Variants in COL14A1 observed in about 807,000 individuals in gnomAD.
COL14A1 encodes collagen type XIV alpha 1 chain.
A neutral mutation model predicts 230.3 loss-of-function variants in COL14A1; 136 were observed. That is an observed-to-expected ratio of 0.59 (90% CI 0.51 to 0.68). The LOEUF (loss-of-function observed/expected upper bound fraction) is 0.68. Among genes scored for constraint, COL14A1 ranks in the 30% least tolerant of loss-of-function variants. The pLI is 0.00. For synonymous variants in COL14A1, 792 were observed against 784.1 expected (o/e 1.01, Z -0.17); for missense variants, 1,976 against 2,215.8 (o/e 0.89, Z 2.17).
chr8:120,347,725 G>A (rs1012536500), intron 45 of COL14A1, among the ~76,000 whole-genome samples: 2 of 152,158 alleles, frequency 1.3e-5, no homozygotes, highest in African/African-American at 4.8e-5. Context: ...GGCCAAAAAG[G>A]CTCAAAGTCA....
chr8:120,357,635 G>A (rs1245114060), intron 45 of COL14A1, among the ~76,000 whole-genome samples: 1 of 152,074 alleles, frequency 6.6e-6, no homozygotes, highest in African/African-American at 2.4e-5. Context: ...ATTAAAACAA[G>A]TCCTTCTGGC....
At chr8:120,226,824 T>A in intron 16 of COL14A1, 58 bp downstream of exon 16, 1 of 1,504,780 alleles carries the variant, frequency 6.6e-7, no homozygotes, top group Non-Finnish European at 9.1e-7. Flanking sequence ...TACCTACTGC[T>A]GCTGGAGTTG....
intron 1 of COL14A1, among the ~76,000 whole-genome samples, chr8:120,132,975 T>C (rs1045357908): frequency 1.3e-5 from 2 of 152,126 alleles, no homozygotes; most frequent in Non-Finnish European, 2.9e-5. Flanking sequence ...CCCAGCACTT[T>C]GGGAGGCCGA....
intron 17 of COL14A1, 43 bp downstream of exon 17, chr8:120,227,395 A>T: frequency 6.2e-7 from 1 of 1,610,910 alleles, no homozygotes; most frequent in Non-Finnish European, 8.5e-7. Flanking sequence ...CTGCTCCCAC[A>T]ATCCCTCTTT....
chr8:120,154,690 C>G (rs541390603), intron 2 of COL14A1, among the ~76,000 whole-genome samples: 1 of 151,948 alleles, frequency 6.6e-6, no homozygotes, highest in Non-Finnish European at 1.5e-5. Flanking sequence ...ACTTGATGTT[C>G]GTCTTTTTTA....
At position 120,196,817 on chromosome 8, in the gene COL14A1, G is replaced by T; in HGVS notation, c.463G>T (p.Ala155Ser). The part of the protein sequence containing the change: ...EEVKFVCQTP[A>S]IADIVILVDG... Reference sequence around the variant, plus strand: ...AGTGAAATTTGTCTGTCAAACTCCAGCAATTGCTGACATTGTAATCCTGGT... The same window carrying T: ...AGTGAAATTTGTCTGTCAAACTCCATCAATTGCTGACATTGTAATCCTGGT... Residue 155 changes from alanine (A) to serine (S), a missense_variant, in exon 6 of 48, where the codon GCA becomes TCA. By Grantham distance (99) the Ala-to-Ser change is moderately conservative (BLOSUM62 1). Around this residue, in one of 3 missense-constraint regions of COL14A1, gnomAD observed 181 missense variants for 178.6 expected, o/e 1.01. Transcript: ENST00000297848. 6.2e-7 allele frequency: 1 copy of T among 1,613,932 alleles called. No individual in the cohort carries two copies. The highest frequency in any genetic ancestry group is 8.5e-7 in the Non-Finnish European group (1 of 1,179,928).
rs1381809857 is a variant in COL14A1, at chr8:120,345,560, C to G, written c.5074C>G (p.Arg1692Gly). 1 of 1,543,442 alleles carries G rather than the reference C, an allele frequency of 6.5e-7. No homozygotes were observed. Among genetic ancestry groups the G allele is most frequent in the Non-Finnish European group, 8.7e-7 (1 of 1,151,830 alleles). The change falls in exon 45 of 48, where the codon CGA (arginine) becomes GGA (glycine). Residue 1692 changes from arginine to glycine, a missense_variant. This residue lies in a region of COL14A1 where 1,791 missense variants were observed against 2,019.5 expected (regional missense o/e 0.89). Coordinates refer to ENST00000297848, the MANE Select transcript of COL14A1 (RefSeq NM_021110.4). ...AGGCGTGCCAGGGACCCCAGGAGAA[C>G]GAGGTAAGCTGGGCCCCTTCTCTCA... is the stretch of plus-strand genomic sequence containing the variant. ...NAGVPGTPGERGLTGIKGEKG... is the reference protein window; with the variant it reads ...NAGVPGTPGEGGLTGIKGEKG...
chr8:120,132,993 G>A (rs1265140457), intron 1 of COL14A1, among the ~76,000 whole-genome samples: 7 of 152,052 alleles, frequency 4.6e-5, no homozygotes, highest in African/African-American at 1.2e-4. Context: ...CGAGACGGGC[G>A]GATCACGAGG....
chr8:120,252,826 C>A (rs995299341), intron 22 of COL14A1, among the ~76,000 whole-genome samples: 2 of 152,104 alleles, frequency 1.3e-5, no homozygotes, highest in Non-Finnish European at 2.9e-5. Flanking sequence ...CAAGAGTGGG[C>A]CATATATTAA....
At chr8:120,142,887 T>C in intron 1 of COL14A1, among the ~76,000 whole-genome samples, 1 of 152,184 alleles carries the variant, frequency 6.6e-6, no homozygotes, top group East Asian at 1.9e-4. Flanking sequence ...TTGAAGGAAA[T>C]ATAATTAATT....
intron 5 of COL14A1, among the ~76,000 whole-genome samples, chr8:120,178,267 C>T (rs987049095): frequency 3.9e-5 from 6 of 152,130 alleles, no homozygotes. Flanking sequence ...TGATGTTCCC[C>T]TTCCTATGTC....
At chr8:120,187,515 A>G (rs1326249773) in intron 5 of COL14A1, among the ~76,000 whole-genome samples, 1 of 152,228 alleles carries the variant, frequency 6.6e-6, no homozygotes, top group Admixed American at 6.5e-5. Context: ...CTTGGTACAT[A>G]ATAAACACTA....
At chr8:120,361,962 C>G (rs77319724) in intron 45 of COL14A1, among the ~76,000 whole-genome samples, 2,938 of 152,256 alleles carry the variant, frequency 0.019, 103 homozygotes, top group African/African-American at 0.066. Context: ...GCTCAGGGCA[C>G]ACAGCAAGTA....
chr8:120,149,913 C>T (rs999956293), intron 2 of COL14A1, among the ~76,000 whole-genome samples: 8 of 152,158 alleles, frequency 5.3e-5, no homozygotes, highest in Non-Finnish European at 8.8e-5. Context: ...AGGCTGGTCT[C>T]GAACTCCTGA....
intron 45 of COL14A1, among the ~76,000 whole-genome samples, chr8:120,354,423 C>G (rs1822904451): frequency 2.0e-5 from 3 of 150,134 alleles, no homozygotes; most frequent in Admixed American, 1.3e-4. Flanking sequence ...AAACACTATC[C>G]CCATACAATG....
intron 5 of COL14A1, among the ~76,000 whole-genome samples, chr8:120,189,221 TG>T (rs1563660152): frequency 6.6e-6 from 1 of 152,224 alleles, no homozygotes. Context: ...AACCTGTTGA[TG>T]GGACAAACAT....
intron 1 of COL14A1, among the ~76,000 whole-genome samples, chr8:120,135,897 CT>C (rs1563629025): frequency 6.6e-6 from 1 of 151,520 alleles, no homozygotes; most frequent in Non-Finnish European, 1.5e-5. Context: ...AAATTTTTTT[CT>C]TTTTATTTAT....
intron 14 of COL14A1, among the ~76,000 whole-genome samples, chr8:120,220,804 GTGA>G (rs1207543480): frequency 1.3e-5 from 2 of 151,842 alleles, no homozygotes; most frequent in African/African-American, 4.8e-5. Context: ...GATGATAATG[GTGA>G]TGATGGTGAT....
chr8:120,138,109 C>T (rs1445954138), intron 1 of COL14A1, among the ~76,000 whole-genome samples: 1 of 150,256 alleles, frequency 6.7e-6, no homozygotes, highest in Non-Finnish European at 1.5e-5. Flanking sequence ...TAGAGTTGTT[C>T]ACAACTCTAT....
Sources: allele counts gnomAD v4.1 joint callset (sites outside exome capture counted in the v4.1 genomes callset), GRCh38; gene constraint gnomAD v4.1.1; regional missense constraint gnomAD v4.1.1; transcripts MANE v1.5; gene names NCBI Gene and HGNC (gene_info 2026-07-23, HGNC 2026-07-21).